Variants in SLC24A4 observed in about 807,000 individuals in gnomAD.
The protein encoded by SLC24A4 is sodium/potassium/calcium exchanger 4.
A neutral mutation model predicts 79.0 loss-of-function variants in SLC24A4; 53 were observed. The ratio of observed to expected loss-of-function variants is 0.67; its 90% CI spans 0.54 to 0.84. The LOEUF (loss-of-function observed/expected upper bound fraction) is 0.84. Among genes scored for constraint, SLC24A4 ranks in the 40% least tolerant of loss-of-function variants. The probability of loss-of-function intolerance (pLI) is 0.00; values close to 1 mark genes in which losing one functional copy is unlikely to be tolerated. For missense variants in SLC24A4, 731 were observed against 822.0 expected (o/e 0.89, Z 1.35); for synonymous variants, 323 against 323.8 (o/e 1.00, Z 0.03).
intron 2 of SLC24A4, among the ~76,000 whole-genome samples, chr14:92,425,680 T>A (rs1297171931): frequency 6.6e-6 from 1 of 152,100 alleles, no homozygotes; most frequent in Non-Finnish European, 1.5e-5. Flanking sequence ...TTCTCCTCTT[T>A]AAAATGGAGG....
intron 16 of SLC24A4, among the ~76,000 whole-genome samples, chr14:92,492,443 T>A (rs1895735406): frequency 6.6e-6 from 1 of 152,156 alleles, no homozygotes; most frequent in Non-Finnish European, 1.5e-5. Flanking sequence ...TTTTGCTGAG[T>A]ACATAAGAAG....
intron 2 of SLC24A4, among the ~76,000 whole-genome samples, chr14:92,342,327 A>G (rs1886196244): frequency 6.6e-6 from 1 of 150,746 alleles, no homozygotes; most frequent in African/African-American, 2.4e-5. Context: ...GGGGGTCTCC[A>G]TTTCTGACAT....
chr14:92,407,614 AC>A (rs1250716978), intron 2 of SLC24A4, among the ~76,000 whole-genome samples: 4 of 151,970 alleles, frequency 2.6e-5, no homozygotes, highest in Non-Finnish European at 5.9e-5. Context: ...GGAAGCAAGT[AC>A]CTCTTACCAT....
chr14:92,402,939 C>T (rs906756272), intron 2 of SLC24A4, among the ~76,000 whole-genome samples: 4 of 152,078 alleles, frequency 2.6e-5, no homozygotes, highest in African/African-American at 9.7e-5. Context: ...GTAGCTTCAC[C>T]CAGTAGGAGT....
At position 92,349,755 on chromosome 14, in the gene SLC24A4, A is replaced by G. The variant is rs1886766230; in HGVS notation, c.241+23777A>G. Among the ~76,000 whole-genome samples, 3 of 152,326 alleles carry G rather than the reference A, an allele frequency of 2.0e-5. No individual in the cohort carries two copies. The South Asian group carries it at 6.2e-4, about 32-fold the overall frequency. ...TAATATAAGCTCTGAATTTTAGGGG[A>G]TTCCAATAGGAGGGCATGCCAGCAG... On this transcript the variant is annotated intron_variant, in intron 2 of 16. Transcript: ENST00000532405.
At chr14:92,489,571 A>G (rs1895563739) in intron 14 of SLC24A4, among the ~76,000 whole-genome samples, 1 of 152,124 alleles carries the variant, frequency 6.6e-6, no homozygotes. Context: ...CGCAGCACAT[A>G]GCATGGTCCT....
intron 2 of SLC24A4, among the ~76,000 whole-genome samples, chr14:92,345,702 G>GAA (rs11421020): frequency 7.0e-6 from 1 of 143,762 alleles, no homozygotes; most frequent in African/African-American, 2.5e-5. Context: ...CCTCCATCTA[G>GAA]AAAAAAAAAA....
At chr14:92,370,346 C>A (rs1888083890) in intron 2 of SLC24A4, among the ~76,000 whole-genome samples, 1 of 152,142 alleles carries the variant, frequency 6.6e-6, no homozygotes, top group Non-Finnish European at 1.5e-5. Context: ...ATTTCACTTT[C>A]TTTGTTGGGA....
chr14:92,400,100 GT>G (rs1566740162), intron 2 of SLC24A4, among the ~76,000 whole-genome samples: 1 of 152,064 alleles, frequency 6.6e-6, no homozygotes, highest in Admixed American at 6.5e-5. Flanking sequence ...AATTGGTGGT[GT>G]TCTGTTAATC....
intron 7 of SLC24A4, among the ~76,000 whole-genome samples, chr14:92,443,892 C>T (rs75120135): frequency 0.028 from 4,325 of 152,248 alleles, 74 homozygotes; most frequent in Non-Finnish European, 0.039. Flanking sequence ...GGGCTACTGG[C>T]TGTTCCACAG....
rs1191505428 is a variant in SLC24A4, at chr14:92,490,690, C to T, written c.1538-975C>T. Among the ~76,000 whole-genome samples, 2 of 152,168 alleles carry T rather than the reference C, an allele frequency of 1.3e-5. No individual in the cohort carries two copies. Among genetic ancestry groups the T allele is most frequent in the African/African-American group, 2.4e-5 (1 of 41,422 alleles). On this transcript the variant is annotated intron_variant, in intron 14 of 16. Transcript: ENST00000532405. The surrounding 1 kb of genome is among the most constrained non-coding windows in gnomAD (Gnocchi z 4.3). The stretch of plus-strand genomic sequence containing the variant: ...TGTCACGCGAGGTTATGCCCCACTC[C>T]GGCCTCCAGCCCAGGGTAGCTGGGA...
intron 2 of SLC24A4, among the ~76,000 whole-genome samples, chr14:92,399,788 A>T (rs1385283821): frequency 6.6e-6 from 1 of 152,220 alleles, no homozygotes; most frequent in East Asian, 1.9e-4. Flanking sequence ...TTGCAAAGGT[A>T]GTTAGAGAAG....
intron 1 of SLC24A4, among the ~76,000 whole-genome samples, 170 bp downstream of exon 1, chr14:92,324,130 C>CGCTCTGGGCTGTGGCGCCGGTT (rs1884973023): frequency 6.6e-6 from 1 of 152,168 alleles, no homozygotes; most frequent in Non-Finnish European, 1.5e-5. Flanking sequence ...AGCTGATGGA[C>CGCTCTGGGCTGTGGCGCCGGTT]GCTCTGGGCT....
At chr14:92,350,340 C>T (rs563954777) in intron 2 of SLC24A4, among the ~76,000 whole-genome samples, 75 of 152,312 alleles carry the variant, frequency 4.9e-4, no homozygotes, top group Admixed American at 6.5e-4. Flanking sequence ...TAACCTAACA[C>T]TCTGTCCTTT....
At chr14:92,471,638 T>C (rs1278708073) in intron 12 of SLC24A4, among the ~76,000 whole-genome samples, 2 of 152,148 alleles carry the variant, frequency 1.3e-5, no homozygotes, top group Non-Finnish European at 2.9e-5. Context: ...TCCCAGTACC[T>C]AGAATAGTTC....
chr14:92,374,614 G>A (rs568905284), intron 2 of SLC24A4, among the ~76,000 whole-genome samples: 12 of 152,228 alleles, frequency 7.9e-5, no homozygotes, highest in East Asian at 3.9e-4. Flanking sequence ...CCCACTCCAC[G>A]TTCCCTTCCT....
rs911216497 is a variant in SLC24A4 at position 92,408,399 on chromosome 14, C to T, written c.242-25513C>T. On this transcript the variant is annotated intron_variant, in intron 2 of 16. Transcript: ENST00000532405. ...CAAGCAATAAGTGCCTGTGTGTTGG[C>T]AACTGCAGCTAAAGCTCTCCTATCT... The T allele has an allele frequency of 1.1e-5, 11 of 985,278 alleles. No homozygotes were observed. In the Admixed American group the frequency reaches 3.1e-4, roughly 28 times the overall value. The allele number at this position is 985,278 out of a possible 1,614,324, so 61.0% of individuals were successfully genotyped here. A position where few individuals can be genotyped will look rare whatever the true frequency, so the allele number is the denominator to read the frequency against.
intron 2 of SLC24A4, among the ~76,000 whole-genome samples, chr14:92,368,914 C>T (rs1888000743): frequency 6.6e-6 from 1 of 152,164 alleles, no homozygotes; most frequent in African/African-American, 2.4e-5. Flanking sequence ...GCTCCCTCCC[C>T]CTGCTCAGCT....
chr14:92,448,738 CT>C (rs1280610668), intron 9 of SLC24A4, among the ~76,000 whole-genome samples: 1 of 152,162 alleles, frequency 6.6e-6, no homozygotes, highest in African/African-American at 2.4e-5. Flanking sequence ...GTAATGCCCC[CT>C]GCGAGCCTGC....
Sources: gnomAD v4.1 joint callset for allele counts (sites outside exome capture counted in the v4.1 genomes callset) on GRCh38, gnomAD v4.1.1 for gene constraint, Gnocchi (gnomAD v3.1) non-coding constraint, MANE v1.5 for transcripts, NCBI Gene and HGNC (gene_info 2026-07-23, HGNC 2026-07-21) for gene names.